The following SH3GL2 variants were observed in gnomAD, a reference collection of about 807,000 sequenced individuals.
SH3GL2 encodes the protein SH3 domain containing GRB2 like 2, endophilin A1.
Under a neutral mutation model 46.0 loss-of-function variants are expected in SH3GL2, and 24 were observed. That is an observed-to-expected ratio of 0.52 (90% CI 0.38 to 0.73). The LOEUF is 0.73. SH3GL2 is among the 30% of genes least tolerant of loss of function. The pLI, the probability that SH3GL2 is intolerant of heterozygous loss-of-function variation, is 0.00. For missense variants in SH3GL2, 413 were observed against 424.2 expected (o/e 0.97, Z 0.23); for synonymous variants, 196 against 147.1 (o/e 1.33, Z -2.40).
chr9:17,739,857 A>G (rs192829903), intron 1 of SH3GL2, among the ~76,000 whole-genome samples: 1 of 152,242 alleles, frequency 6.6e-6, no homozygotes, highest in Non-Finnish European at 1.5e-5. Context: ...GGGCTGAGAA[A>G]GTTATTACTT....
intron 1 of SH3GL2, among the ~76,000 whole-genome samples, chr9:17,647,173 A>G (rs912396025): frequency 6.6e-6 from 1 of 152,240 alleles, no homozygotes; most frequent in Admixed American, 6.5e-5. Flanking sequence ...TGCAGATCAC[A>G]TATCTAAATT....
At chr9:17,595,413 G>A (rs1361762303) in intron 1 of SH3GL2, among the ~76,000 whole-genome samples, 1 of 152,248 alleles carries the variant, frequency 6.6e-6, no homozygotes, top group Admixed American at 6.5e-5. Flanking sequence ...TAGATTGGCA[G>A]AGATGAAAAG....
At chr9:17,617,754 G>A (rs542711202) in intron 1 of SH3GL2, among the ~76,000 whole-genome samples, 1 of 152,272 alleles carries the variant, frequency 6.6e-6, no homozygotes, top group South Asian at 2.1e-4. Flanking sequence ...GGAGTCAAGT[G>A]TCTTGACATA....
At chr9:17,786,730 C>A (rs925150939) in intron 4 of SH3GL2, among the ~76,000 whole-genome samples, 2 of 152,134 alleles carry the variant, frequency 1.3e-5, no homozygotes, top group African/African-American at 2.4e-5. Context: ...TCCCACCCCC[C>A]CCACTATAAG....
chr9:17,602,588 C>T (rs1256969258), intron 1 of SH3GL2, among the ~76,000 whole-genome samples: 2 of 152,034 alleles, frequency 1.3e-5, no homozygotes, highest in African/African-American at 4.8e-5. Context: ...GTAACCGGAT[C>T]CCATGTAGAC....
chr9:17,707,678 A>G (rs533145710), intron 1 of SH3GL2, among the ~76,000 whole-genome samples: 4 of 152,156 alleles, frequency 2.6e-5, no homozygotes, highest in South Asian at 4.2e-4. Context: ...GGATGAAACT[A>G]TAGATATGTT....
chr9:17,730,712 A>G (rs1380327648), intron 1 of SH3GL2, among the ~76,000 whole-genome samples: 1 of 151,988 alleles, frequency 6.6e-6, no homozygotes, highest in African/African-American at 2.4e-5. Flanking sequence ...TCTATTGAAG[A>G]TACTCTCCTA....
chr9:17,711,208 C>A (rs1177731869), intron 1 of SH3GL2, among the ~76,000 whole-genome samples: 2 of 151,934 alleles, frequency 1.3e-5, no homozygotes, highest in Non-Finnish European at 2.9e-5. Context: ...TTTGTTACCA[C>A]TACTACCATT....
chr9:17,715,449 C>G (rs1314928880), intron 1 of SH3GL2, among the ~76,000 whole-genome samples: 1 of 151,782 alleles, frequency 6.6e-6, no homozygotes, highest in Non-Finnish European at 1.5e-5. Flanking sequence ...TTCACTTACT[C>G]TTCTGTTAAC....
At chr9:17,728,841 T>A (rs1822094745) in intron 1 of SH3GL2, among the ~76,000 whole-genome samples, 1 of 152,198 alleles carries the variant, frequency 6.6e-6, no homozygotes, top group Non-Finnish European at 1.5e-5. Flanking sequence ...TTCCATGGTG[T>A]ATATGTGCCA....
intron 1 of SH3GL2, among the ~76,000 whole-genome samples, chr9:17,602,978 T>C (rs1818697292): frequency 6.6e-6 from 1 of 152,180 alleles, no homozygotes; most frequent in Non-Finnish European, 1.5e-5. Flanking sequence ...TTTACTTTAG[T>C]TGTAGCAAAG....
At chr9:17,676,182 T>A (rs191659029) in intron 1 of SH3GL2, among the ~76,000 whole-genome samples, 44 of 152,342 alleles carry the variant, frequency 2.9e-4, no homozygotes, top group African/African-American at 1.0e-3. Flanking sequence ...ATCCCTGCTG[T>A]TAATCTTAAT....
chr9:17,628,416 G>A (rs1301438883), intron 1 of SH3GL2, among the ~76,000 whole-genome samples: 23 of 27,278 alleles, frequency 8.4e-4, no homozygotes, highest in African/African-American at 3.1e-3. Flanking sequence ...TCTTGGGTGT[G>A]TGTGTGTGTG....
chr9:17,688,081 T>G (rs1284623949), intron 1 of SH3GL2, among the ~76,000 whole-genome samples: 2 of 152,130 alleles, frequency 1.3e-5, no homozygotes, highest in African/African-American at 4.8e-5. Flanking sequence ...AAGTTCATCT[T>G]TTCCAGTCTC....
At chr9:17,667,564 G>A (rs78021465) in intron 1 of SH3GL2, among the ~76,000 whole-genome samples, 1 of 152,108 alleles carries the variant, frequency 6.6e-6, no homozygotes, top group Non-Finnish European at 1.5e-5. Context: ...TTTCTCATCA[G>A]TTGGACATTT....
At chr9:17,712,546 C>T (rs1821655124) in intron 1 of SH3GL2, among the ~76,000 whole-genome samples, 1 of 151,802 alleles carries the variant, frequency 6.6e-6, no homozygotes, top group Non-Finnish European at 1.5e-5. Context: ...ATTTCTCTAG[C>T]ATCATTTGTT....
rs561931441 is a variant in SH3GL2 at position 17,735,731 on chromosome 9, C to A, written c.46-11335C>A. ...TCTGTTGGCACAGAGTTGATTGAGG[C>A]AGTAGGAAATGGGAAGATAAAGCTG... On this transcript the variant is annotated intron_variant, in intron 1 of 8. Transcript: ENST00000380607. 32 of 971,586 alleles carry A rather than the reference C, an allele frequency of 3.3e-5. No homozygotes were observed. In the African/African-American group the frequency reaches 4.9e-4, roughly 15 times the overall value. 60.2% of individuals were successfully genotyped at this position (971,586 alleles called of 1,614,324 possible). A position where few individuals can be genotyped will look rare whatever the true frequency, so the allele number is the denominator to read the frequency against.
intron 1 of SH3GL2, among the ~76,000 whole-genome samples, chr9:17,718,415 G>T (rs190197020): frequency 6.6e-6 from 1 of 152,102 alleles, no homozygotes; most frequent in Non-Finnish European, 1.5e-5. Flanking sequence ...TAAAGGCCTG[G>T]AGACCGTGTT....
At chr9:17,721,270 G>T (rs1430308821) in intron 1 of SH3GL2, among the ~76,000 whole-genome samples, 2 of 151,890 alleles carry the variant, frequency 1.3e-5, no homozygotes, top group Admixed American at 1.3e-4. Flanking sequence ...ACCATTTCAG[G>T]GTTTATTTCA....
Sources: allele counts gnomAD v4.1 joint callset (sites outside exome capture counted in the v4.1 genomes callset), GRCh38; gene constraint gnomAD v4.1.1; transcripts MANE v1.5; gene names NCBI Gene and HGNC (gene_info 2026-07-23, HGNC 2026-07-21).